The following ASPSCR1 variants were observed in gnomAD, a reference collection of about 807,000 sequenced individuals.
The protein encoded by ASPSCR1 is ASPSCR1 tether for SLC2A4, UBX domain containing, also known as tether containing UBX domain for GLUT4.
In ASPSCR1, 55 loss-of-function variants were observed where a neutral mutation model predicts 68.9. The observed-to-expected ratio is 0.80, with a 90% CI of 0.64 to 1.00. The LOEUF (loss-of-function observed/expected upper bound fraction) is 1.00, where lower values mean the gene tolerates loss of function less well. ASPSCR1 is among the 50% of genes least tolerant of loss of function. The pLI, the probability that ASPSCR1 is intolerant of heterozygous loss-of-function variation, is 0.00. For missense variants in ASPSCR1, 765 were observed against 762.2 expected, an observed-to-expected ratio of 1.00 and a Z score of -0.04; for synonymous variants, 352 against 332.6, an observed-to-expected ratio of 1.06 and a Z score of -0.63.
Position 81,977,737 on chromosome 17 carries a change from G to C in ASPSCR1, c.91G>C (p.Val31Leu). 4.8e-6 allele frequency: 6 copies of C among 1,258,760 alleles called. No individual in the cohort carries two copies. Among genetic ancestry groups the C allele is most frequent in the South Asian group, 5.5e-5 (2 of 36,526 alleles). 78.0% of individuals were successfully genotyped at this position (1,258,760 alleles called of 1,614,324 possible). A position where few individuals can be genotyped will look rare whatever the true frequency, so the allele number is the denominator to read the frequency against. The change falls in exon 1 of 16, where the codon GTG (valine) becomes CTG (leucine). Residue 31 changes from valine (V) to leucine (L), a missense_variant. Coordinates refer to ENST00000306739, the MANE Select transcript of ASPSCR1 (RefSeq NM_024083.4). This position sits in a 1 kb window ranked among gnomAD's most constrained non-coding sequence, Gnocchi z 5.0. ...RHTVKVTPST[V>L]LLQVLEDTCR... is the part of the protein sequence containing the mutation. ...CACGGTGAAGGTGACGCCGAGCACCGTGCTGCTTCAGGTGCGGCCGCCCGC... is the reference window on the plus strand; with the variant it reads ...CACGGTGAAGGTGACGCCGAGCACCCTGCTGCTTCAGGTGCGGCCGCCCGC...
chr17:82,006,048 T>G (rs922042221), intron 7 of ASPSCR1: 1 of 152,528 alleles, frequency 6.6e-6, no homozygotes, highest in Admixed American at 6.5e-5. Context: ...TTGGGTGTTG[T>G]GTGCATGTCC....
rs2042130747 is a variant in ASPSCR1, at chr17:81,990,650, T to C, written c.375-4171T>C. On this transcript the variant is annotated intron_variant, in intron 4 of 15. Transcript: ENST00000306739. The surrounding 1 kb of genome is among the most constrained non-coding windows in gnomAD (Gnocchi z 4.1). ...AGTTTGAGATCTTTATTACGGGGAG[T>C]GTGCCTTCCGTGATAGGAGACGCAT... Among the ~76,000 whole-genome samples, 1 of 151,934 alleles carries C rather than the reference T, an allele frequency of 6.6e-6. No homozygotes were observed. Among genetic ancestry groups the C allele is most frequent in the African/African-American group, 2.4e-5 (1 of 41,332 alleles).
Position 82,009,062 on chromosome 17 carries a change from G to A in ASPSCR1, c.959G>A (p.Arg320Gln), listed in dbSNP as rs780500663. The change falls in exon 8 of 16, where the codon CGG becomes CAG. Residue 320 changes from arginine to glutamine, a missense_variant. Coordinates refer to ENST00000306739, the MANE Select transcript of ASPSCR1 (RefSeq NM_024083.4). ...ERPVDREPVDREPVVCHPDLE... is the reference protein window; with the variant it reads ...ERPVDREPVDQEPVVCHPDLE... ...CCCGTGGACCGGGAGCCCGTGGACC[G>A]GGAGCCGGTGGTGTGCCACCCCGAC... 12 of 1,562,462 alleles carry A rather than the reference G, an allele frequency of 7.7e-6. No homozygotes were observed. The Admixed American group carries it at 1.5e-4, about 20-fold the overall frequency.
chr17:81,986,189 C>T lies in ASPSCR1; in HGVS notation c.374+582C>T, dbSNP rs958866350. Among the ~76,000 whole-genome samples the T allele has an allele frequency of 7.9e-5, 12 of 151,996 alleles. No individual in the cohort carries two copies. The highest frequency in any genetic ancestry group is 2.9e-4 in the African/African-American group (12 of 41,366). ...CAAAGTGGCTTGCACTTTGGAAGGC[C>T]GAGGCTGGCGAATCGCTTGAGCTCA... On this transcript the variant is annotated intron_variant, in intron 4 of 15. Transcript: ENST00000306739. The surrounding 1 kb of genome is among the most constrained non-coding windows in gnomAD (Gnocchi z 5.2).
At chr17:81,978,585 G>C (rs886764096) in intron 1 of ASPSCR1, 3 of 152,654 alleles carry the variant, frequency 2.0e-5, no homozygotes, top group Non-Finnish European at 4.4e-5. Context: ...GTGAGGATCC[G>C]AAGGTGCACA....
At chr17:82,007,042 A>G (rs2144079238) in intron 7 of ASPSCR1, 1 of 152,354 alleles carries the variant, frequency 6.6e-6, no homozygotes, top group East Asian at 1.9e-4. Context: ...TCCCTCTGTC[A>G]TTTGGTGGCC....
rs949786820 is a variant in ASPSCR1 at position 82,010,733 on chromosome 17, G to T, written c.1171-69G>T. On this transcript the variant is annotated intron_variant, in intron 9 of 15. Coordinates refer to ENST00000306739, the MANE Select transcript of ASPSCR1 (RefSeq NM_024083.4). ...TCCATGGCCCAGCATGGGCCGAGTG[G>T]GGAGGCCACGCCCTGGTCCCTGGTG... 2.0e-6 allele frequency: 3 copies of T among 1,521,338 alleles called. No individual in the cohort carries two copies. The African/African-American group carries it at 4.1e-5, about 21-fold the overall frequency. The allele number at this position is 1,521,338 out of a possible 1,614,324, so 94.2% of individuals were successfully genotyped here.
chr17:81,979,277 A>C, intron 2 of ASPSCR1, 38 bp downstream of exon 2: 1 of 1,600,244 alleles, frequency 6.2e-7, no homozygotes. Flanking sequence ...GTCTGAGTAT[A>C]TCTGTGCCCC....
intron 12 of ASPSCR1, 131 bp downstream of exon 12, chr17:82,012,414 C>T (rs746194278): frequency 3.4e-5 from 38 of 1,112,630 alleles, no homozygotes; most frequent in Non-Finnish European, 4.8e-5. Flanking sequence ...CTTTGAGAGC[C>T]GGTGGGTTCC....
At chr17:81,996,098 A>G (rs758080316) in intron 6 of ASPSCR1, 33 bp downstream of exon 6, 4 of 1,550,054 alleles carry the variant, frequency 2.6e-6, no homozygotes, top group East Asian at 4.6e-5. Flanking sequence ...CGAGGAGTCT[A>G]TTTAGCTAAA....
At chr17:81,994,951 C>T in intron 5 of ASPSCR1, 73 bp downstream of exon 5, 2 of 1,466,104 alleles carry the variant, frequency 1.4e-6, no homozygotes, top group Non-Finnish European at 1.9e-6. Flanking sequence ...AATCTGCTGT[C>T]CCGCAGCCGT....
Position 81,995,997 on chromosome 17 carries a change from G to T in ASPSCR1, c.438G>T (p.Thr146=), listed in dbSNP as rs760802416. The T allele has an allele frequency of 6.2e-7, 1 of 1,609,732 alleles. No homozygotes were observed. ...PVCVYTRDEV[T]GEAALRGTTL... ...CCTGGCTGCTCCTCCTGCAGGTGACGGGTGAAGCTGCCCTGCGGGGCACGA... is the reference window on the plus strand; with the variant it reads ...CCTGGCTGCTCCTCCTGCAGGTGACTGGTGAAGCTGCCCTGCGGGGCACGA... The change falls in exon 6 of 16, where the codon ACG becomes ACT. Residue 146 remains threonine (T), a synonymous_variant. Transcript: ENST00000306739.
Position 81,991,266 on chromosome 17 carries a change from G to A in ASPSCR1, c.375-3555G>A, listed in dbSNP as rs553775270. Among the ~76,000 whole-genome samples the A allele has an allele frequency of 1.1e-4, 16 of 152,304 alleles. No homozygotes were observed. The South Asian group carries it at 2.7e-3, about 26-fold the overall frequency. ...GGTGGGAGTGGCCCCCAGTGTGCCC[G>A]GCCCCTGGCTGGATCTCTTCCCAGG... is the stretch of plus-strand genomic sequence containing the variant. On this transcript the variant is annotated intron_variant, in intron 4 of 15. Transcript: ENST00000306739.
chr17:81,996,145 G>A (rs2042329766), intron 6 of ASPSCR1, 80 bp downstream of exon 6: 18 of 1,447,430 alleles, frequency 1.2e-5, no homozygotes, highest in East Asian at 7.2e-5. Flanking sequence ...GAAAGGACAC[G>A]TGGCAAGTGG....
At chr17:81,989,673 C>T (rs2042099115) in intron 4 of ASPSCR1, among the ~76,000 whole-genome samples, 1 of 152,142 alleles carries the variant, frequency 6.6e-6, no homozygotes, top group Admixed American at 6.5e-5. Flanking sequence ...CTTGGATGGA[C>T]ACTGCCACGT....
At chr17:82,015,398 C>G in intron 12 of ASPSCR1, 4 of 1,561,550 alleles carry the variant, frequency 2.6e-6, no homozygotes, top group Non-Finnish European at 3.5e-6. Flanking sequence ...GAGGCGCAGA[C>G]AGGGAGCCCA....
intron 2 of ASPSCR1, among the ~76,000 whole-genome samples, chr17:81,979,797 C>G (rs988565017): frequency 2.6e-5 from 4 of 152,154 alleles, no homozygotes; most frequent in Non-Finnish European, 4.4e-5. Context: ...TCCCTGCAGT[C>G]TCACAGCCCC....
chr17:82,005,391 G>C (rs375508428), intron 7 of ASPSCR1: 2 of 152,182 alleles, frequency 1.3e-5, no homozygotes, highest in East Asian at 3.9e-4. Flanking sequence ...TGTGTGCCCC[G>C]TGGGTCGGCA....
chr17:82,003,542 G>A (rs970367471), intron 7 of ASPSCR1, among the ~76,000 whole-genome samples: 51 of 152,240 alleles, frequency 3.3e-4, no homozygotes, highest in Admixed American at 2.7e-3. Flanking sequence ...GCATCGGTGC[G>A]GATGCTGTGC....
Sources: gnomAD v4.1 joint callset for allele counts (sites outside exome capture counted in the v4.1 genomes callset) on GRCh38, gnomAD v4.1.1 for gene constraint, Gnocchi (gnomAD v3.1) non-coding constraint, MANE v1.5 for transcripts, NCBI Gene and HGNC (gene_info 2026-07-23, HGNC 2026-07-21) for gene names.